The following DAB1 variants were observed in gnomAD, a reference collection of about 807,000 sequenced individuals.
DAB1 encodes disabled homolog 1.
Under a neutral mutation model 64.6 loss-of-function variants are expected in DAB1, and 15 were observed. That is an observed-to-expected ratio of 0.23 (90% CI 0.16 to 0.36). The LOEUF is 0.36. Among genes scored for constraint, DAB1 ranks in the 10% least tolerant of loss-of-function variants. The pLI, the probability that DAB1 is intolerant of heterozygous loss-of-function variation, is 1.00. For synonymous variants in DAB1, 235 were observed against 251.9 expected (o/e 0.93, Z 0.64); for missense variants, 596 against 706.7 (o/e 0.84, Z 1.78).
chr1:57,123,511 T>A (rs1330909689), intron 4 of DAB1, among the ~76,000 whole-genome samples: 1 of 152,114 alleles, frequency 6.6e-6, no homozygotes, highest in Non-Finnish European at 1.5e-5. Flanking sequence ...GCATCATACA[T>A]CTAGCAGTAC....
chr1:57,791,687 C>T (rs11207107), intron 6 of DAB1, among the ~76,000 whole-genome samples: 109 of 152,234 alleles, frequency 7.2e-4, no homozygotes, highest in African/African-American at 2.6e-3. Flanking sequence ...ACCAGTTCCC[C>T]ACCTCCTGCA....
intron 2 of DAB1, among the ~76,000 whole-genome samples, chr1:57,279,047 A>G (rs1412279685): frequency 6.6e-6 from 1 of 152,256 alleles, no homozygotes; most frequent in Admixed American, 6.5e-5. Context: ...TGGGAGGTGA[A>G]CTAGGCTGAT....
chr1:57,388,511 C>T (rs973766949), intron 1 of DAB1, among the ~76,000 whole-genome samples: 3 of 152,162 alleles, frequency 2.0e-5, no homozygotes, highest in African/African-American at 4.8e-5. Context: ...TCTGTCCAGC[C>T]GCATGTGCCT....
At chr1:57,538,440 C>CA (rs1644756899) in intron 7 of DAB1, among the ~76,000 whole-genome samples, 1 of 152,096 alleles carries the variant, frequency 6.6e-6, no homozygotes, top group Admixed American at 6.5e-5. Context: ...TCCTGCAAAA[C>CA]AAAAAACTCC....
chr1:57,733,696 A>G (rs759416495), intron 6 of DAB1, among the ~76,000 whole-genome samples: 1 of 152,100 alleles, frequency 6.6e-6, no homozygotes, highest in Non-Finnish European at 1.5e-5. Flanking sequence ...CGATTTGCCA[A>G]ATGTTAACAT....
At chr1:57,243,992 T>C (rs927088826) in intron 2 of DAB1, among the ~76,000 whole-genome samples, 3 of 152,190 alleles carry the variant, frequency 2.0e-5, no homozygotes, top group African/African-American at 7.2e-5. Context: ...ACTTTCACAT[T>C]CCTCCTTTCC....
At chr1:57,807,810 C>T (rs1651436327) in intron 6 of DAB1, among the ~76,000 whole-genome samples, 1 of 152,102 alleles carries the variant, frequency 6.6e-6, no homozygotes, top group South Asian at 2.1e-4. Flanking sequence ...TCTCCTCCTC[C>T]CTCAGCCTAT....
chr1:57,315,192 C>A (rs1049829306), intron 1 of DAB1, among the ~76,000 whole-genome samples: 3 of 152,096 alleles, frequency 2.0e-5, no homozygotes, highest in Admixed American at 2.0e-4. Flanking sequence ...AAGTGGTTTT[C>A]TGAGGCCACC....
At chr1:57,336,743 A>T (rs375180698) in intron 1 of DAB1, among the ~76,000 whole-genome samples, 1 of 152,184 alleles carries the variant, frequency 6.6e-6, no homozygotes, top group South Asian at 2.1e-4. Flanking sequence ...TTACCCCTCT[A>T]TGTCTACCCT....
intron 7 of DAB1, among the ~76,000 whole-genome samples, chr1:57,507,294 G>A (rs1198888827): frequency 2.0e-5 from 3 of 152,132 alleles, no homozygotes; most frequent in Non-Finnish European, 4.4e-5. Context: ...TGCTCAAGAG[G>A]TTTCTCTTGC....
chr1:58,093,442 T>C (rs754915103), intron 5 of DAB1, among the ~76,000 whole-genome samples: 29 of 152,150 alleles, frequency 1.9e-4, no homozygotes, highest in South Asian at 1.0e-3. Flanking sequence ...GATCTGTGCC[T>C]TCTGTTAGAT....
At chr1:57,251,885 G>A (rs1669369614) in intron 2 of DAB1, among the ~76,000 whole-genome samples, 1 of 152,172 alleles carries the variant, frequency 6.6e-6, no homozygotes, top group Non-Finnish European at 1.5e-5. Context: ...GGCACCAATA[G>A]GGAATGACCT....
chr1:57,724,961 A>G lies in DAB1; in HGVS notation n.552-75296T>C, dbSNP rs563598965. Among the ~76,000 whole-genome samples, 3 of 152,354 alleles carry G rather than the reference A, an allele frequency of 2.0e-5. No homozygotes were observed. In the South Asian group the frequency reaches 6.2e-4, roughly 32 times the overall value. ...ATGCAAGCAAGCTATCCACTACTGT[A>G]AGACTACCCAAGTACAAGTTAGCCA... On this transcript the variant is annotated intron_variant and non_coding_transcript_variant, in intron 6 of 20. Coordinates refer to the DAB1 transcript ENST00000485760.
At chr1:58,032,219 G>C (rs1203126114) in intron 5 of DAB1, among the ~76,000 whole-genome samples, 1 of 152,016 alleles carries the variant, frequency 6.6e-6, no homozygotes, top group Non-Finnish European at 1.5e-5. Flanking sequence ...ATAATTTGAG[G>C]AGCACCAATC....
At chr1:57,159,458 C>T (rs1170598046) in intron 2 of DAB1, among the ~76,000 whole-genome samples, 1 of 152,158 alleles carries the variant, frequency 6.6e-6, no homozygotes, top group Non-Finnish European at 1.5e-5. Flanking sequence ...AAGAAAAAGC[C>T]AGGCCCTACA....
chr1:58,535,883 T>C (rs1039656784), intron 1 of DAB1, among the ~76,000 whole-genome samples: 1 of 152,108 alleles, frequency 6.6e-6, no homozygotes, highest in Non-Finnish European at 1.5e-5. Context: ...AAAAATCTTA[T>C]ATTACTTGAT....
At chr1:58,306,955 T>G (rs1270803141) in intron 4 of DAB1, among the ~76,000 whole-genome samples, 3 of 152,136 alleles carry the variant, frequency 2.0e-5, no homozygotes, top group Admixed American at 6.5e-5. Context: ...TAGCAGAAAA[T>G]TTGTATGCCC....
intron 6 of DAB1, among the ~76,000 whole-genome samples, chr1:57,816,838 C>G (rs1569769697): frequency 6.6e-6 from 1 of 152,124 alleles, no homozygotes; most frequent in East Asian, 1.9e-4. Context: ...TCATTTCAAC[C>G]TAGGATTACC....
At chr1:58,408,138 T>C (rs1644634416) in intron 3 of DAB1, among the ~76,000 whole-genome samples, 2 of 152,220 alleles carry the variant, frequency 1.3e-5, no homozygotes, top group Non-Finnish European at 2.9e-5. Context: ...AGAGGAAACC[T>C]GAGCACTCTG....
Sources: gnomAD v4.1 joint callset for allele counts (sites outside exome capture counted in the v4.1 genomes callset) on GRCh38, gnomAD v4.1.1 for gene constraint, MANE v1.5 for transcripts, NCBI Gene and HGNC (gene_info 2026-07-23, HGNC 2026-07-21) for gene names.